The following IGBP1 variants were observed in gnomAD, a reference collection of about 807,000 sequenced individuals.
IGBP1 encodes immunoglobulin binding protein 1, also known as immunoglobulin-binding protein 1.
In IGBP1, 2 loss-of-function variants were observed where a neutral mutation model predicts 25.9. That is an observed-to-expected ratio of 0.08 (90% CI 0.03 to 0.24). The LOEUF (loss-of-function observed/expected upper bound fraction) is 0.24, where lower values mean the gene tolerates loss of function less well. IGBP1 is among the 10% of genes least tolerant of loss of function. The probability of loss-of-function intolerance (pLI) is 1.00; values close to 1 mark genes in which losing one functional copy is unlikely to be tolerated. For missense variants in IGBP1, 187 were observed against 260.4 expected, an observed-to-expected ratio of 0.72 and a Z score of 1.94; for synonymous variants, 96 against 93.4, an observed-to-expected ratio of 1.03 and a Z score of -0.16.
Position 70,133,798 on chromosome X carries a change from T to A in IGBP1, c.-150T>A. On this transcript the variant is annotated 5_prime_UTR_variant, in exon 2 of 7. Transcript: ENST00000356413. ...GTTGCCAGGGCCGGCTAACAGCGGC[T>A]CCCGGAAGTCCTTTGATGCTTTGTT... The A allele has an allele frequency of 4.0e-6, 2 of 498,050 alleles. No individual in the cohort carries two copies. 41.0% of individuals were successfully genotyped at this position (498,050 alleles called of 1,213,427 possible).
chrX:70,133,873 G>T lies in IGBP1; in HGVS notation c.-75G>T. On this transcript the variant is annotated 5_prime_UTR_variant, in exon 2 of 7. Transcript: ENST00000356413. ...AGGTGCTTCTTCCGGTTTTGTCCGC[G>T]CTCGCCTAATTCTTCTTTATCAAGG... The T allele has an allele frequency of 1.0e-6, 1 of 968,363 alleles. No homozygotes were observed. Among genetic ancestry groups the T allele is most frequent in the Non-Finnish European group, 1.4e-6 (1 of 690,604 alleles). The allele number at this position is 968,363 out of a possible 1,213,427, so 79.8% of individuals were successfully genotyped here.
intron 6 of IGBP1, among the ~76,000 whole-genome samples, chrX:70,152,066 C>A: frequency 9.0e-6 from 1 of 111,412 alleles, no homozygotes; most frequent in Middle Eastern, 4.6e-3. Context: ...TATGATGTAA[C>A]TGCATGTAAC....
chrX:70,146,636 C>T lies in IGBP1; in HGVS notation c.486C>T (p.Tyr162=). The change falls in exon 4 of 7, where the codon TAC becomes TAT. Residue 162 remains tyrosine (Y), a synonymous_variant. Transcript: ENST00000356413. ...ASQRQAKIQR[Y]KQKKELEHRL... ...GTAATGCTTTTCTGTGGAACAGATACAAGCAGAAGAAGGAGTTGGAGCATA... is the reference window on the plus strand; with the variant it reads ...GTAATGCTTTTCTGTGGAACAGATATAAGCAGAAGAAGGAGTTGGAGCATA... The T allele has an allele frequency of 8.3e-7, 1 of 1,205,090 alleles. No homozygotes were observed. Among genetic ancestry groups the T allele is most frequent in the Non-Finnish European group, 1.1e-6 (1 of 890,576 alleles).
At position 70,166,063 on chromosome X, in the gene IGBP1, C is replaced by T; in HGVS notation, c.*82C>T. The stretch of plus-strand genomic sequence containing the variant: ...ATGCAGTCCTCCCCTCCCTGGTCTC[C>T]TGCTTCAGCTCTGTACAACGAGGGC... On this transcript the variant is annotated 3_prime_UTR_variant, in exon 7 of 7. Transcript: ENST00000356413. 1 of 984,940 alleles carries T rather than the reference C, an allele frequency of 1.0e-6. No homozygotes were observed. The highest frequency in any genetic ancestry group is 1.4e-6 in the Non-Finnish European group (1 of 701,418). 81.2% of individuals were successfully genotyped at this position (984,940 alleles called of 1,213,427 possible).
intron 3 of IGBP1, among the ~76,000 whole-genome samples, chrX:70,142,287 C>T (rs2085135369): frequency 1.8e-5 from 2 of 111,392 alleles, no homozygotes; most frequent in African/African-American, 6.5e-5. Context: ...GCTGTGATCA[C>T]ACCACTGTAC....
intron 6 of IGBP1, among the ~76,000 whole-genome samples, chrX:70,154,789 C>T (rs2085228869): frequency 9.7e-6 from 1 of 103,585 alleles, no homozygotes; most frequent in Non-Finnish European, 1.9e-5. Context: ...CCCAGATACT[C>T]AGGAGGCTGA....
At chrX:70,159,518 G>A (rs2085259794) in intron 6 of IGBP1, among the ~76,000 whole-genome samples, 1 of 111,191 alleles carries the variant, frequency 9.0e-6, no homozygotes, top group African/African-American at 3.3e-5. Flanking sequence ...TTGGTCCTGG[G>A]TCCAGTGTCT....
At chrX:70,136,698 T>TTTATTATTATTA (rs58340348) in intron 3 of IGBP1, among the ~76,000 whole-genome samples, 2,886 of 97,978 alleles carry the variant, frequency 0.029, 44 homozygotes, top group South Asian at 0.052. Context: ...TTCTTTTTTC[T>TTTATTATTATTA]TTATTATTAT....
intron 4 of IGBP1, 116 bp from the exon 5 acceptor site, chrX:70,148,645 T>C (rs2085182129): frequency 1.8e-6 from 1 of 542,901 alleles, no homozygotes; most frequent in African/African-American, 2.3e-5. Context: ...GACTGATAAA[T>C]AGAAAGTGAG....
At position 70,134,058 on chromosome X, in the gene IGBP1, A is replaced by G. The variant is rs1428590046; in HGVS notation, c.111A>G (p.Ile37Met). 1.7e-6 allele frequency: 2 copies of G among 1,211,281 alleles called. No individual in the cohort carries two copies. The highest frequency in any genetic ancestry group is 3.0e-5 in the East Asian group (1 of 33,840). ...EVATEPAGSR[I>M]VQEKVFKGLD... ...CGACTGAACCCGCCGGTTCCCGGAT[A>G]GTCCAGGAGAAGGTGTTCAAGGGCT... The change falls in exon 2 of 7, where the codon ATA becomes ATG. Residue 37 changes from isoleucine to methionine, a missense_variant. Ile to Met is a conservative substitution (Grantham distance 10). Coordinates refer to ENST00000356413, the MANE Select transcript of IGBP1 (RefSeq NM_001551.3).
chrX:70,156,183 A>T (rs775778247), intron 6 of IGBP1, among the ~76,000 whole-genome samples: 2 of 110,673 alleles, frequency 1.8e-5, no homozygotes, highest in East Asian at 5.7e-4. Flanking sequence ...AGAAACTGAG[A>T]ATTACCAAAA....
rs371747330 is a variant in IGBP1, at chrX:70,136,501, A to C, written c.482+1685A>C. 6.3e-5 allele frequency among the ~76,000 whole-genome samples: 7 copies of C among 111,089 alleles called. No individual in the cohort carries two copies. In the East Asian group the frequency reaches 2.0e-3, roughly 31 times the overall value. ...ATTTATGATGGATTTATTGAGATGC[A>C]GCCCTATTGTAAGTTGAGATGCATG... On this transcript the variant is annotated intron_variant, in intron 3 of 6. Transcript: ENST00000356413.
At chrX:70,162,984 A>C (rs1044724037) in intron 6 of IGBP1, among the ~76,000 whole-genome samples, 6 of 110,672 alleles carry the variant, frequency 5.4e-5, no homozygotes, top group Non-Finnish European at 5.7e-5. Flanking sequence ...CTCAAAAATA[A>C]TAATAATAGT....
Position 70,165,696 on chromosome X carries a change from C to T in IGBP1, c.872-137C>T, listed in dbSNP as rs113197739. The T allele has an allele frequency of 5.1e-4, 281 of 549,187 alleles. 3 individuals carry two copies. The African/African-American group carries it at 5.5e-3, about 11-fold the overall frequency. The allele number at this position is 549,187 out of a possible 1,213,427, so 45.3% of individuals were successfully genotyped here. A position where few individuals can be genotyped will look rare whatever the true frequency, so the allele number is the denominator to read the frequency against. ...ATGCAAGTTCTCTCCCCGCTTCCGC[C>T]GGGCTCAGGGTAGGCAGCTGGCTGT... On this transcript the variant is annotated intron_variant, in intron 6 of 6. Coordinates refer to ENST00000356413, the MANE Select transcript of IGBP1 (RefSeq NM_001551.3).
chrX:70,151,415 A>G (rs181116342), intron 6 of IGBP1, among the ~76,000 whole-genome samples: 2 of 110,056 alleles, frequency 1.8e-5, no homozygotes, highest in Non-Finnish European at 3.8e-5. Context: ...GGCTCAAGCA[A>G]TCCTTCTGCC....
At position 70,133,921 on chromosome X, in the gene IGBP1, G is replaced by C; in HGVS notation, c.-27G>C. The C allele has an allele frequency of 8.4e-7, 1 of 1,195,803 alleles. No homozygotes were observed. The highest frequency in any genetic ancestry group is 1.1e-6 in the Non-Finnish European group (1 of 882,460). On this transcript the variant is annotated 5_prime_UTR_variant, in exon 2 of 7. Transcript: ENST00000356413. ...AGGTTGCCTTTGACCCCGGAAAAGA[G>C]ATCTTCCGGGTTCCTCTCTCCCCAA...
chrX:70,158,604 G>A (rs2085254275), intron 6 of IGBP1, among the ~76,000 whole-genome samples: 1 of 110,949 alleles, frequency 9.0e-6, no homozygotes, highest in East Asian at 2.8e-4. Context: ...AGCACTTTGG[G>A]AGGCGGATCA....
At chrX:70,139,366 A>C (rs1402339540) in intron 3 of IGBP1, among the ~76,000 whole-genome samples, 1 of 111,815 alleles carries the variant, frequency 8.9e-6, no homozygotes. Context: ...TTGGGCAAAC[A>C]GAAAGTATCT....
intron 3 of IGBP1, among the ~76,000 whole-genome samples, chrX:70,135,284 TTTGTTG>T (rs1019941683): frequency 8.9e-6 from 1 of 112,048 alleles, no homozygotes; most frequent in Non-Finnish European, 1.9e-5. Flanking sequence ...TTAGGTTTTT[TTTGTTG>T]TTGTTGTTTG....
Sources: gnomAD v4.1 joint callset for allele counts (sites outside exome capture counted in the v4.1 genomes callset) on GRCh38, gnomAD v4.1.1 for gene constraint, MANE v1.5 for transcripts, NCBI Gene and HGNC (gene_info 2026-07-23, HGNC 2026-07-21) for gene names.